The following ANTXR2 variants were observed in gnomAD, a reference collection of about 807,000 sequenced individuals.
The protein encoded by ANTXR2 is ANTXR cell adhesion molecule 2, also known as anthrax toxin receptor 2.
A neutral mutation model predicts 73.7 loss-of-function variants in ANTXR2; 44 were observed. The ratio of observed to expected loss-of-function variants is 0.60; its 90% CI spans 0.47 to 0.77. ANTXR2 has a LOEUF of 0.77. ANTXR2 is among the 30% of genes least tolerant of loss of function. The pLI, the probability that ANTXR2 is intolerant of heterozygous loss-of-function variation, is 0.00. For missense variants in ANTXR2, 604 were observed against 592.5 expected, an observed-to-expected ratio of 1.02 and a Z score of -0.20; for synonymous variants, 217 against 205.9, an observed-to-expected ratio of 1.05 and a Z score of -0.46.
intron 16 of ANTXR2, among the ~76,000 whole-genome samples, chr4:79,926,087 G>A (rs1727769174): frequency 6.6e-6 from 1 of 151,946 alleles, no homozygotes; most frequent in Admixed American, 6.6e-5. Context: ...AATGGCTATG[G>A]CAAACTTTCT....
At chr4:79,993,761 C>T (rs887491033) in intron 12 of ANTXR2, among the ~76,000 whole-genome samples, 1 of 16,248 alleles carries the variant, frequency 6.2e-5, no homozygotes, top group African/African-American at 2.4e-4. Context: ...CACACACACG[C>T]ACACACACAC....
At chr4:79,909,011 T>C (rs1341496327) in intron 16 of ANTXR2, among the ~76,000 whole-genome samples, 1 of 152,092 alleles carries the variant, frequency 6.6e-6, no homozygotes, top group Non-Finnish European at 1.5e-5. Context: ...ACATAAATAA[T>C]TGAGGCAAAA....
chr4:79,996,723 T>A (rs1730747245), intron 12 of ANTXR2, among the ~76,000 whole-genome samples: 1 of 151,968 alleles, frequency 6.6e-6, no homozygotes, highest in African/African-American at 2.4e-5. Flanking sequence ...TAAAAATACA[T>A]TAAAAACTAC....
chr4:80,005,183 G>A (rs1578147346), intron 12 of ANTXR2, among the ~76,000 whole-genome samples: 1 of 152,072 alleles, frequency 6.6e-6, no homozygotes, highest in South Asian at 2.1e-4. Context: ...TCTCTGTATT[G>A]ATAAGAGCTC....
chr4:79,987,543 G>A (rs1730237778), intron 12 of ANTXR2, among the ~76,000 whole-genome samples: 1 of 152,148 alleles, frequency 6.6e-6, no homozygotes, highest in African/African-American at 2.4e-5. Flanking sequence ...AAGCAACTTG[G>A]AAAACATATT....
At chr4:80,044,529 T>C (rs1016755322) in intron 7 of ANTXR2, among the ~76,000 whole-genome samples, 1 of 151,908 alleles carries the variant, frequency 6.6e-6, no homozygotes, top group African/African-American at 2.4e-5. Flanking sequence ...GATGGGGAGA[T>C]AAAATCAAAA....
chr4:80,005,361 C>T (rs539126271), intron 12 of ANTXR2, among the ~76,000 whole-genome samples: 18 of 152,054 alleles, frequency 1.2e-4, no homozygotes, highest in Non-Finnish European at 2.2e-4. Context: ...CAACACCACG[C>T]TGATAAATAG....
rs756339141 is a variant in ANTXR2 at position 79,983,857 on chromosome 4, A to AT, written c.1179+20dup. 587 of 1,523,700 alleles carry AT rather than the reference A, an allele frequency of 3.9e-4. 1 individual carries two copies. The highest frequency in any genetic ancestry group is 4.3e-4 in the Non-Finnish European group (470 of 1,103,892). The allele number at this position is 1,523,700 out of a possible 1,614,324, so 94.4% of individuals were successfully genotyped here. A position where few individuals can be genotyped will look rare whatever the true frequency, so the allele number is the denominator to read the frequency against. ...TACATACTCCAGATTAGCAGCTTCT[A>AT]TTTTTTTTTAAGATACCAACCTCCA... On this transcript the variant is annotated intron_variant, in intron 14 of 16. Transcript: ENST00000403729.
intron 3 of ANTXR2, among the ~76,000 whole-genome samples, chr4:80,061,087 C>T (rs1400953042): frequency 6.6e-6 from 1 of 152,064 alleles, no homozygotes; most frequent in Non-Finnish European, 1.5e-5. Flanking sequence ...GCATGGTGGT[C>T]TCAGAGTAGT....
At chr4:79,982,056 C>T (rs529322810) in intron 14 of ANTXR2, among the ~76,000 whole-genome samples, 5 of 152,196 alleles carry the variant, frequency 3.3e-5, no homozygotes, top group African/African-American at 1.2e-4. Context: ...ATTTCCTTTC[C>T]TTTAAAAAGA....
At chr4:80,026,419 G>T in intron 10 of ANTXR2, among the ~76,000 whole-genome samples, 1 of 152,104 alleles carries the variant, frequency 6.6e-6, no homozygotes, top group Non-Finnish European at 1.5e-5. Context: ...ACCCAGTCTC[G>T]GCAGTTCTTT....
intron 16 of ANTXR2, among the ~76,000 whole-genome samples, chr4:79,957,095 A>G (rs1255417594): frequency 6.6e-6 from 1 of 152,142 alleles, no homozygotes; most frequent in African/African-American, 2.4e-5. Context: ...GCCCATAATG[A>G]AAGACTATCT....
chr4:79,979,467 G>A (rs898105896), intron 14 of ANTXR2, among the ~76,000 whole-genome samples: 4 of 152,078 alleles, frequency 2.6e-5, no homozygotes, highest in African/African-American at 9.7e-5. Context: ...GGTAGGGATA[G>A]AGAAGATTAC....
At chr4:80,025,747 A>T (rs1348653118) in intron 10 of ANTXR2, among the ~76,000 whole-genome samples, 4 of 152,226 alleles carry the variant, frequency 2.6e-5, no homozygotes, top group African/African-American at 9.6e-5. Flanking sequence ...TATGTAAATT[A>T]ATGTTTTGAC....
chr4:80,047,741 T>A (rs1256144599), intron 7 of ANTXR2, among the ~76,000 whole-genome samples: 1 of 151,652 alleles, frequency 6.6e-6, no homozygotes, highest in Non-Finnish European at 1.5e-5. Flanking sequence ...CCACCATTCA[T>A]CTAAACAAGG....
At chr4:80,044,660 A>G (rs1278351019) in intron 7 of ANTXR2, among the ~76,000 whole-genome samples, 1 of 151,906 alleles carries the variant, frequency 6.6e-6, no homozygotes, top group Non-Finnish European at 1.5e-5. Context: ...AACACCTCCT[A>G]CAATTAATAT....
At chr4:80,055,284 A>T (rs1468258020) in intron 5 of ANTXR2, 66 bp from the exon 6 acceptor site, 2 of 1,550,174 alleles carry the variant, frequency 1.3e-6, no homozygotes, top group African/African-American at 1.4e-5. Flanking sequence ...GAATTATTCA[A>T]ATATCAAGCT....
intron 7 of ANTXR2, among the ~76,000 whole-genome samples, chr4:80,044,014 GT>G (rs1464724036): frequency 6.6e-6 from 1 of 151,912 alleles, no homozygotes; most frequent in African/African-American, 2.4e-5. Context: ...AATTGGCAAG[GT>G]TTGCTGGAGG....
At chr4:80,045,175 G>A (rs767263694) in intron 7 of ANTXR2, among the ~76,000 whole-genome samples, 6 of 151,666 alleles carry the variant, frequency 4.0e-5, no homozygotes, top group Non-Finnish European at 5.9e-5. Context: ...CTTAAGTTAT[G>A]TGTTATCTTC....
Sources: gnomAD v4.1 joint callset for allele counts (sites outside exome capture counted in the v4.1 genomes callset) on GRCh38, gnomAD v4.1.1 for gene constraint, MANE v1.5 for transcripts, NCBI Gene and HGNC (gene_info 2026-07-23, HGNC 2026-07-21) for gene names.